The following RELN variants were observed in gnomAD, a reference collection of about 807,000 sequenced individuals.
The protein encoded by RELN is reelin.
RELN carries 108 observed loss-of-function variants against 427.6 expected under a neutral mutation model. The observed-to-expected ratio is 0.25, with a 90% CI of 0.22 to 0.30. The LOEUF (loss-of-function observed/expected upper bound fraction) is 0.30. RELN is among the 10% of genes least tolerant of loss of function. The pLI is 1.00. For synonymous variants in RELN, 1,524 were observed against 1,513.4 expected (o/e 1.01, Z -0.16); for missense variants, 3,715 against 4,302.8 (o/e 0.86, Z 3.82).
intron 2 of RELN, among the ~76,000 whole-genome samples, chr7:103,911,164 AC>A (rs1296311437): frequency 4.2e-5 from 6 of 142,000 alleles, no homozygotes; most frequent in Admixed American, 7.0e-5. Flanking sequence ...CAAGAAAAAA[AC>A]AAACAACCCC....
At chr7:103,691,350 G>T (rs1410573896) in intron 10 of RELN, among the ~76,000 whole-genome samples, 3 of 152,072 alleles carry the variant, frequency 2.0e-5, no homozygotes, top group Non-Finnish European at 4.4e-5. Flanking sequence ...AAAACAGAAA[G>T]AAATATCTAA....
intron 11 of RELN, among the ~76,000 whole-genome samples, chr7:103,678,763 TTTTA>T (rs896200277): frequency 1.3e-5 from 2 of 152,214 alleles, no homozygotes; most frequent in African/African-American, 4.8e-5. Context: ...ATTAATAATT[TTTTA>T]TTTCTTAAAA....
chr7:103,795,680 A>G (rs976684679), intron 3 of RELN, among the ~76,000 whole-genome samples: 4 of 152,222 alleles, frequency 2.6e-5, no homozygotes, highest in Non-Finnish European at 4.4e-5. Context: ...AGGTATAGTC[A>G]AAAGTGAAAA....
At chr7:103,747,564 A>G (rs1164036929) in intron 6 of RELN, among the ~76,000 whole-genome samples, 1 of 151,502 alleles carries the variant, frequency 6.6e-6, no homozygotes, top group Non-Finnish European at 1.5e-5. Context: ...GTAGTCTGAT[A>G]TCAGGGCCTC....
At chr7:103,901,154 T>G (rs998472041) in intron 2 of RELN, among the ~76,000 whole-genome samples, 25 of 152,000 alleles carry the variant, frequency 1.6e-4, no homozygotes, top group African/African-American at 5.8e-4. Context: ...CATAAAAATA[T>G]ACTCAGTGTC....
Position 103,540,383 on chromosome 7 carries a change from T to C in RELN, c.6744A>G (p.Leu2248=). The C allele has an allele frequency of 6.2e-7, 1 of 1,614,158 alleles. No individual in the cohort carries two copies. Among genetic ancestry groups the C allele is most frequent in the Non-Finnish European group, 8.5e-7 (1 of 1,180,004 alleles). ...VPDPRSQPVL[L]QYSLNGGLSW... Reference sequence around the variant, plus strand: ...AGAGGCCACCGTTGAGAGAATACTGTAGGAGCACGGGTTGACTCCTGGGGT... The same window carrying C: ...AGAGGCCACCGTTGAGAGAATACTGCAGGAGCACGGGTTGACTCCTGGGGT... The change falls in exon 44 of 65, where the codon CTA becomes CTG. Residue 2248 remains leucine (L), a synonymous_variant. Coordinates refer to ENST00000428762, the MANE Select transcript of RELN (RefSeq NM_005045.4).
At chr7:103,955,872 G>T (rs1215186905) in intron 1 of RELN, among the ~76,000 whole-genome samples, 2 of 152,104 alleles carry the variant, frequency 1.3e-5, no homozygotes, top group Admixed American at 6.5e-5. Flanking sequence ...GAGGTTAGGG[G>T]TCCTGAAGCC....
intron 46 of RELN, among the ~76,000 whole-genome samples, chr7:103,523,819 A>G (rs1829762740): frequency 6.6e-6 from 1 of 152,048 alleles, no homozygotes; most frequent in Admixed American, 6.6e-5. Context: ...CTGGGATTAT[A>G]GGCATGCACT....
chr7:103,943,566 T>C (rs1176961697), intron 1 of RELN, among the ~76,000 whole-genome samples: 3 of 151,994 alleles, frequency 2.0e-5, no homozygotes, highest in Non-Finnish European at 2.9e-5. Context: ...TTAGAAGTAA[T>C]GAGGCCAGGC....
chr7:103,646,231 A>C (rs1320567190), intron 16 of RELN, among the ~76,000 whole-genome samples: 1 of 151,836 alleles, frequency 6.6e-6, no homozygotes, highest in African/African-American at 2.4e-5. Context: ...ACAAGAATGA[A>C]CCAAATCCAA....
chr7:103,545,395 T>TTCTGA (rs1430802626), intron 41 of RELN, 51 bp from the exon 42 acceptor site: 98 of 1,226,026 alleles, frequency 8.0e-5, no homozygotes, highest in Non-Finnish European at 7.2e-6. Context: ...ACAATATACC[T>TTCTGA]TCAAAGTATG....
chr7:103,661,629 A>G, intron 11 of RELN, 102 bp from the exon 12 acceptor site: 1 of 1,060,886 alleles, frequency 9.4e-7, no homozygotes, highest in Non-Finnish European at 1.4e-6. Context: ...CTTACTTAGT[A>G]ATGAATAATT....
intron 28 of RELN, among the ~76,000 whole-genome samples, chr7:103,585,150 GA>G (rs1186225794): frequency 1.3e-5 from 2 of 151,672 alleles, no homozygotes; most frequent in African/African-American, 4.8e-5. Context: ...CCTCAAGGAA[GA>G]AAAATAAAGA....
chr7:103,874,601 T>A (rs1794431712), intron 2 of RELN, among the ~76,000 whole-genome samples: 1 of 145,682 alleles, frequency 6.9e-6, no homozygotes, highest in African/African-American at 2.5e-5. Flanking sequence ...TGAACTCCCA[T>A]TCACAATTGC....
At chr7:103,781,216 T>C (rs1180810744) in intron 3 of RELN, among the ~76,000 whole-genome samples, 2 of 151,688 alleles carry the variant, frequency 1.3e-5, no homozygotes, top group Non-Finnish European at 2.9e-5. Flanking sequence ...CTGCACTCCT[T>C]AGGGTGGGAT....
chr7:103,533,783 G>A (rs1423157190), intron 46 of RELN, among the ~76,000 whole-genome samples: 4 of 152,154 alleles, frequency 2.6e-5, no homozygotes, highest in African/African-American at 9.7e-5. Flanking sequence ...AGACTCAAGG[G>A]CATAATGACT....
At chr7:103,767,484 A>G (rs1791455239) in intron 4 of RELN, among the ~76,000 whole-genome samples, 2 of 152,186 alleles carry the variant, frequency 1.3e-5, no homozygotes, top group Non-Finnish European at 2.9e-5. Flanking sequence ...TTACATGATC[A>G]TAGCATGAAT....
At chr7:103,594,573 A>G in intron 25 of RELN, 81 bp from the exon 26 acceptor site, 3 of 1,425,166 alleles carry the variant, frequency 2.1e-6, no homozygotes, top group East Asian at 2.3e-5. Flanking sequence ...AACAAGGGTA[A>G]CAACAAGAGA....
chr7:103,977,113 C>A (rs912380151), intron 1 of RELN, among the ~76,000 whole-genome samples: 3 of 151,874 alleles, frequency 2.0e-5, no homozygotes, highest in African/African-American at 7.3e-5. Flanking sequence ...GAGTTCAAGA[C>A]CAGCCTGGCC....
Sources: allele counts gnomAD v4.1 joint callset (sites outside exome capture counted in the v4.1 genomes callset), GRCh38; gene constraint gnomAD v4.1.1; transcripts MANE v1.5; gene names NCBI Gene and HGNC (gene_info 2026-07-23, HGNC 2026-07-21).